The following LRCH3 variants were observed in gnomAD, a reference collection of about 807,000 sequenced individuals.
The protein encoded by LRCH3 is leucine rich repeats and calponin homology domain containing 3.
A neutral mutation model predicts 104.5 loss-of-function variants in LRCH3; 68 were observed. That is an observed-to-expected ratio of 0.65 (90% CI 0.54 to 0.80). The LOEUF (loss-of-function observed/expected upper bound fraction) is 0.80, where lower values mean the gene tolerates loss of function less well. Among genes scored for constraint, LRCH3 ranks in the 30% least tolerant of loss-of-function variants. LRCH3 has a pLI of 0.00. For synonymous variants in LRCH3, 344 were observed against 361.3 expected, an observed-to-expected ratio of 0.95 and a Z score of 0.54; for missense variants, 951 against 953.9, an observed-to-expected ratio of 1.00 and a Z score of 0.04.
intron 8 of LRCH3, among the ~76,000 whole-genome samples, chr3:197,835,286 C>T (rs1736606538): frequency 6.6e-6 from 1 of 151,710 alleles, no homozygotes; most frequent in African/African-American, 2.4e-5. Context: ...CGGGTTCAAG[C>T]AATTCTCTTG....
chr3:197,827,519 C>T (rs1036755293), intron 5 of LRCH3, among the ~76,000 whole-genome samples: 19 of 152,152 alleles, frequency 1.2e-4, no homozygotes, highest in African/African-American at 4.6e-4. Flanking sequence ...ATTTCATGTA[C>T]ATTTATCATT....
At chr3:197,868,343 A>G (rs1711591042) in intron 17 of LRCH3, among the ~76,000 whole-genome samples, 1 of 152,254 alleles carries the variant, frequency 6.6e-6, no homozygotes, top group Admixed American at 6.5e-5. Flanking sequence ...GATGATTTAA[A>G]GTATAGTATA....
intron 1 of LRCH3, among the ~76,000 whole-genome samples, chr3:197,809,478 AAT>A (rs1296136805): frequency 6.6e-6 from 1 of 152,110 alleles, no homozygotes; most frequent in Non-Finnish European, 1.5e-5. Context: ...AGCCCTTAGA[AAT>A]GCTGAAGTAT....
At chr3:197,861,671 T>C (rs749703596) in intron 15 of LRCH3, among the ~76,000 whole-genome samples, 64 of 152,210 alleles carry the variant, frequency 4.2e-4, no homozygotes, top group Non-Finnish European at 6.9e-4. Flanking sequence ...ATTATACTTA[T>C]GAATTTATTT....
chr3:197,811,210 T>C (rs1460275677), intron 1 of LRCH3, among the ~76,000 whole-genome samples: 1 of 152,184 alleles, frequency 6.6e-6, no homozygotes, highest in Non-Finnish European at 1.5e-5. Context: ...ATATGTTACA[T>C]AGCTATCAAA....
In LRCH3 at chr3:197,856,271, C is replaced by T. The variant is rs971321616; in HGVS notation, c.1644+1826C>T. Among the ~76,000 whole-genome samples, 11 of 152,122 alleles carry T rather than the reference C, an allele frequency of 7.2e-5. No individual in the cohort carries two copies. The highest frequency in any genetic ancestry group is 2.1e-4 in the South Asian group (1 of 4,826). ...TGACAGTTAAATAAACTGACAGGAG[C>T]TCCAGTGCGTTTGATGAAAAGGAGG... On this transcript the variant is annotated intron_variant, in intron 14 of 20. Transcript: ENST00000425562. The surrounding 1 kb of genome is among the most constrained non-coding windows in gnomAD (Gnocchi z 4.2).
intron 12 of LRCH3, chr3:197,850,351 C>CTTTTTTTTTTTTTTTTTCT: frequency 1.1e-5 from 7 of 618,698 alleles, no homozygotes; most frequent in East Asian, 3.2e-5. Context: ...ACCATTTTTT[C>CTTTTTTTTTTTTTTTTTCT]TTTTTTTTTT....
chr3:197,851,592 T>C (rs1261347054), intron 12 of LRCH3, among the ~76,000 whole-genome samples: 2 of 152,210 alleles, frequency 1.3e-5, no homozygotes, highest in Non-Finnish European at 2.9e-5. Flanking sequence ...CGCTTGACTT[T>C]CAGAAAGCTA....
chr3:197,868,911 G>A (rs1288290766), intron 17 of LRCH3, among the ~76,000 whole-genome samples: 1 of 152,130 alleles, frequency 6.6e-6, no homozygotes, highest in East Asian at 1.9e-4. Flanking sequence ...GTGTTCACTT[G>A]GTGAGGAGAA....
At chr3:197,820,239 C>T in intron 3 of LRCH3, 86 bp from the exon 4 acceptor site, 1 of 952,386 alleles carries the variant, frequency 1.0e-6, no homozygotes, top group Non-Finnish European at 1.7e-6. Context: ...AGAAGGTCTC[C>T]CAAACATATC....
chr3:197,847,995 A>G lies in LRCH3; in HGVS notation c.1504A>G (p.Arg502Gly). ...GAAAATAAGGACCAAGCAGATCCAG[A>G]GAGATGCTGTCCTGGACTTTGTCAA... Reference protein sequence around the residue: ...EEKIRTKQIQRDAVLDFVKQK... With the variant: ...EEKIRTKQIQGDAVLDFVKQK... The change falls in exon 12 of 21, where the codon AGA becomes GGA. Residue 502 changes from arginine (R) to glycine (G), a missense_variant. Arg to Gly is a moderately radical substitution (Grantham distance 125). Transcript: ENST00000425562. 6.2e-7 allele frequency: 1 copy of G among 1,614,150 alleles called. No homozygotes were observed. The highest frequency in any genetic ancestry group is 8.5e-7 in the Non-Finnish European group (1 of 1,180,008).
chr3:197,791,226 G>A (rs189691440), upstream of LRCH3: 28 of 1,582,778 alleles, frequency 1.8e-5, no homozygotes, highest in South Asian at 2.6e-4. Context: ...CCCACCCAGC[G>A]GTCCGGCCGC....
chr3:197,852,680 GT>G, intron 13 of LRCH3, 60 bp downstream of exon 13: 1 of 1,514,524 alleles, frequency 6.6e-7, no homozygotes, highest in Non-Finnish European at 9.2e-7. Context: ...GAAATGAAAT[GT>G]TTACATGTAA....
intron 1 of LRCH3, among the ~76,000 whole-genome samples, chr3:197,791,744 A>T (rs994335016): frequency 4.6e-5 from 7 of 152,046 alleles, no homozygotes; most frequent in African/African-American, 1.7e-4. Flanking sequence ...GGGCGGCGGC[A>T]TCTCTCGGGG....
intron 17 of LRCH3, among the ~76,000 whole-genome samples, chr3:197,869,597 A>G (rs111862306): frequency 7.5e-6 from 1 of 133,300 alleles, no homozygotes. Context: ...CTGTACCTGC[A>G]GGAAGTAGAA....
At chr3:197,871,648 G>A (rs1051724429) in intron 19 of LRCH3, 186 bp downstream of exon 19, 15 of 674,424 alleles carry the variant, frequency 2.2e-5, no homozygotes, top group Non-Finnish European at 3.5e-5. Flanking sequence ...ACAGCAGTGC[G>A]ATAAATGTAA....
At chr3:197,838,352 T>C (rs1254843815) in intron 9 of LRCH3, among the ~76,000 whole-genome samples, 2 of 152,254 alleles carry the variant, frequency 1.3e-5, no homozygotes, top group Non-Finnish European at 2.9e-5. Context: ...TGGGATCTCA[T>C]GTCCAGACTT....
At chr3:197,881,494 C>T in intron 20 of LRCH3, 1 of 985,450 alleles carries the variant, frequency 1.0e-6, no homozygotes, top group Non-Finnish European at 1.2e-6. Context: ...GGTTCACTCC[C>T]AGCATTCTGT....
intron 5 of LRCH3, among the ~76,000 whole-genome samples, chr3:197,829,230 T>G (rs1489075333): frequency 6.6e-6 from 1 of 152,248 alleles, no homozygotes. Flanking sequence ...TTGCTTCATG[T>G]AATCTAATGA....
Sources: allele counts gnomAD v4.1 joint callset (sites outside exome capture counted in the v4.1 genomes callset), GRCh38; gene constraint gnomAD v4.1.1; non-coding constraint Gnocchi (gnomAD v3.1); transcripts MANE v1.5; gene names NCBI Gene and HGNC (gene_info 2026-07-23, HGNC 2026-07-21).